CHD9: variants seen among roughly 807,000 people sequenced by gnomAD.
CHD9 encodes chromodomain helicase DNA binding protein 9, also known as ATP-dependent chromatin remodeler CHD9.
A neutral mutation model predicts 316.1 loss-of-function variants in CHD9; 77 were observed. The ratio of observed to expected loss-of-function variants is 0.24; its 90% confidence interval spans 0.20 to 0.29. The LOEUF (loss-of-function observed/expected upper bound fraction) is 0.29. CHD9 is among the 10% of genes least tolerant of loss of function. The pLI is 1.00. For missense variants in CHD9, 2,763 were observed against 3,438.1 expected, an observed-to-expected ratio of 0.80 and a Z score of 4.91; for synonymous variants, 1,129 against 1,158.3, an observed-to-expected ratio of 0.97 and a Z score of 0.51.
chr16:53,314,351 C>A, intron 34 of CHD9, 26 bp from the exon 35 acceptor site: 2 of 1,504,368 alleles, frequency 1.3e-6, no homozygotes, highest in Non-Finnish European at 1.8e-6. Context: ...ATTTGTATCA[C>A]CATTTTGCAT....
chr16:53,124,843 C>T (rs1004323236), intron 1 of CHD9, among the ~76,000 whole-genome samples: 1 of 151,050 alleles, frequency 6.6e-6, no homozygotes, highest in African/African-American at 2.5e-5. Context: ...TAATTACCTC[C>T]CACTGGGGCC....
chr16:53,156,261 G>C lies in CHD9; in HGVS notation c.172G>C (p.Gly58Arg), dbSNP rs1300865693. The change falls in exon 2 of 39, where the codon GGT (glycine) becomes CGT (arginine). Residue 58 changes from glycine (G) to arginine (R), a missense_variant. This residue lies in a region of CHD9 where 859 missense variants were observed against 890.4 expected (regional missense o/e 0.96). Transcript: ENST00000447540. ...LHIDSLNHVQ[G>R]TPTHQKMTDF... is the part of the protein sequence containing the mutation. Reference sequence around the variant, plus strand: ...CATAGATTCACTGAACCATGTTCAAGGTACTCCAACACATCAGAAGATGAC... The same window carrying C: ...CATAGATTCACTGAACCATGTTCAACGTACTCCAACACATCAGAAGATGAC... 1 of 1,613,814 alleles carries C rather than the reference G, an allele frequency of 6.2e-7. No homozygotes were observed. Among genetic ancestry groups the C allele is most frequent in the Non-Finnish European group, 8.5e-7 (1 of 1,179,874 alleles).
At chr16:53,075,138 C>T (rs1311136010) in intron 1 of CHD9, among the ~76,000 whole-genome samples, 1 of 152,140 alleles carries the variant, frequency 6.6e-6, no homozygotes, top group African/African-American at 2.4e-5. Context: ...AATTTGACTG[C>T]CCTGATGGAT....
At chr16:53,268,261 CCAGCTT>C in intron 22 of CHD9, 135 bp downstream of exon 22, 1 of 647,432 alleles carries the variant, frequency 1.5e-6, no homozygotes, top group Non-Finnish European at 2.5e-6. Context: ...AATTCAAGTT[CCAGCTT>C]CAGAAAATGC....
intron 2 of CHD9, among the ~76,000 whole-genome samples, chr16:53,205,918 C>T (rs1414788238): frequency 2.0e-5 from 3 of 152,184 alleles, no homozygotes; most frequent in South Asian, 4.1e-4. Context: ...TACACACATA[C>T]ACATTCTTTC....
At chr16:53,082,794 C>A (rs999847130) in intron 1 of CHD9, among the ~76,000 whole-genome samples, 1 of 152,178 alleles carries the variant, frequency 6.6e-6, no homozygotes, top group African/African-American at 2.4e-5. Context: ...CCGTCCAATT[C>A]CAGCACATCC....
chr16:53,265,481 T>C (rs2051568745), intron 20 of CHD9, among the ~76,000 whole-genome samples: 1 of 152,046 alleles, frequency 6.6e-6, no homozygotes, highest in African/African-American at 2.4e-5. Context: ...GACAGAAAGA[T>C]ACCAAGCAAA....
intron 1 of CHD9, among the ~76,000 whole-genome samples, chr16:53,107,750 C>T (rs1227139394): frequency 1.3e-5 from 2 of 152,068 alleles, no homozygotes; most frequent in African/African-American, 2.4e-5. Context: ...ATGACAAGTT[C>T]ATTTATTTAT....
chr16:53,124,549 G>A (rs557868672), intron 1 of CHD9, among the ~76,000 whole-genome samples: 90 of 145,898 alleles, frequency 6.2e-4, no homozygotes, highest in Middle Eastern at 4.0e-3. Context: ...AATGATCTTG[G>A]CTCATTGCAA....
chr16:53,146,266 G>A (rs1307294633), intron 1 of CHD9, among the ~76,000 whole-genome samples: 13 of 146,726 alleles, frequency 8.9e-5, no homozygotes, highest in South Asian at 2.2e-4. Context: ...TGTGACGGGC[G>A]CCTGTAATCC....
chr16:53,087,040 C>T (rs184416465), intron 1 of CHD9, among the ~76,000 whole-genome samples: 65 of 152,274 alleles, frequency 4.3e-4, no homozygotes, highest in African/African-American at 1.5e-3. Context: ...ATTATTACTA[C>T]GAAACTGTCA....
intron 29 of CHD9, among the ~76,000 whole-genome samples, chr16:53,293,289 TG>T (rs966203313): frequency 6.6e-6 from 1 of 152,208 alleles, no homozygotes; most frequent in Admixed American, 6.5e-5. Flanking sequence ...TCATTTTTTT[TG>T]TCATGTTTAG....
rs564531614 is a variant in CHD9, at chr16:53,309,348, A to G, written c.7222+494A>G. 1.1e-4 allele frequency among the ~76,000 whole-genome samples: 16 copies of G among 152,280 alleles called. No individual in the cohort carries two copies. In the South Asian group the frequency reaches 2.7e-3, roughly 26 times the overall value. ...TATTGGGCAGCTCAAATTGTCAGAA[A>G]ATTCCTCTATTTAGAAGTAAATTTT... On this transcript the variant is annotated intron_variant, in intron 34 of 38. Coordinates refer to ENST00000447540, the MANE Select transcript of CHD9 (RefSeq NM_001308319.2).
At chr16:53,278,139 C>T (rs2053040806) in intron 24 of CHD9, among the ~76,000 whole-genome samples, 1 of 152,196 alleles carries the variant, frequency 6.6e-6, no homozygotes. Flanking sequence ...ACATCCCATG[C>T]TCATGGGTGG....
rs994323741 is a variant in CHD9, at chr16:53,096,947, T to C, written c.-165+41870T>C. Among the ~76,000 whole-genome samples the C allele has an allele frequency of 4.6e-5, 7 of 152,024 alleles. No individual in the cohort carries two copies. The East Asian group carries it at 1.4e-3, about 30-fold the overall frequency. On this transcript the variant is annotated intron_variant, in intron 1 of 38. Coordinates refer to ENST00000447540, the MANE Select transcript of CHD9 (RefSeq NM_001308319.2). The stretch of plus-strand genomic sequence containing the variant: ...GTCCCCACCCATTATAACCCATTAA[T>C]CCATGAGTGGATTAATCCACTCATG...
chr16:53,111,864 A>C (rs1167896168), intron 1 of CHD9, among the ~76,000 whole-genome samples: 1 of 152,214 alleles, frequency 6.6e-6, no homozygotes, highest in Non-Finnish European at 1.5e-5. Context: ...AACTGGCCTT[A>C]AAAAAATTAG....
chr16:53,222,513 A>T, intron 3 of CHD9, 131 bp from the exon 4 acceptor site: 1 of 590,792 alleles, frequency 1.7e-6, no homozygotes, highest in Non-Finnish European at 3.1e-6. Flanking sequence ...GGATTTCAGG[A>T]TGATTATCAT....
intron 1 of CHD9, among the ~76,000 whole-genome samples, chr16:53,132,979 T>C (rs1162425833): frequency 2.6e-5 from 4 of 152,096 alleles, no homozygotes; most frequent in African/African-American, 9.7e-5. Context: ...CGGCCGTTTC[T>C]TCTATTGCTT....
intron 20 of CHD9, among the ~76,000 whole-genome samples, chr16:53,266,432 C>T (rs1336319304): frequency 1.3e-5 from 2 of 152,152 alleles, no homozygotes; most frequent in Non-Finnish European, 2.9e-5. Flanking sequence ...GATACCACTT[C>T]AGGTCCCTTG....
Sources: gnomAD v4.1 joint callset for allele counts (sites outside exome capture counted in the v4.1 genomes callset) on GRCh38, gnomAD v4.1.1 for gene constraint, gnomAD v4.1.1 regional missense constraint, MANE v1.5 for transcripts, NCBI Gene and HGNC (gene_info 2026-07-23, HGNC 2026-07-21) for gene names.